The following TFEC variants were observed in gnomAD, a reference collection of about 807,000 sequenced individuals.
The protein encoded by TFEC is class E basic helix-loop-helix protein 34.
TFEC carries 31 observed loss-of-function variants against 41.6 expected under a neutral mutation model. The observed-to-expected ratio is 0.74, with a 90% CI of 0.56 to 1.01. The LOEUF is 1.01. Ranked by LOEUF, TFEC falls within the 50% of genes least tolerant of loss-of-function variation. The probability of loss-of-function intolerance (pLI) is 0.00; values close to 1 mark genes in which losing one functional copy is unlikely to be tolerated. For missense variants in TFEC, 402 were observed against 404.1 expected, an observed-to-expected ratio of 0.99 and a Z score of 0.04; for synonymous variants, 143 against 140.6, an observed-to-expected ratio of 1.02 and a Z score of -0.12.
intron 3 of TFEC, among the ~76,000 whole-genome samples, chr7:116,107,483 G>A (rs1211088129): frequency 6.6e-6 from 1 of 152,130 alleles, no homozygotes; most frequent in Non-Finnish European, 1.5e-5. Flanking sequence ...AGCCTGGAGG[G>A]ACTGAAGCCT....
chr7:116,023,951 T>A (rs1795492612), intron 1 of TFEC, among the ~76,000 whole-genome samples: 1 of 152,132 alleles, frequency 6.6e-6, no homozygotes, highest in African/African-American at 2.4e-5. Context: ...AAGCAATTAA[T>A]TCCCTTTTTT....
chr7:116,148,448 C>G (rs1447928006), intron 1 of TFEC, among the ~76,000 whole-genome samples: 1 of 152,020 alleles, frequency 6.6e-6, no homozygotes, highest in Non-Finnish European at 1.5e-5. Context: ...ACGAACAGAG[C>G]AATGGAGTGG....
At chr7:115,998,424 C>T (rs1214260883) in intron 1 of TFEC, among the ~76,000 whole-genome samples, 1 of 151,496 alleles carries the variant, frequency 6.6e-6, no homozygotes, top group Non-Finnish European at 1.5e-5. Flanking sequence ...GAAGAGAAGA[C>T]CACATAACAA....
intron 3 of TFEC, among the ~76,000 whole-genome samples, chr7:116,081,549 A>T (rs1320528729): frequency 6.6e-6 from 1 of 152,024 alleles, no homozygotes; most frequent in Non-Finnish European, 1.5e-5. Flanking sequence ...AAGTTACAGC[A>T]GCTTTCCAGC....
intron 1 of TFEC, among the ~76,000 whole-genome samples, chr7:115,992,429 G>C (rs929451956): frequency 6.6e-6 from 1 of 152,022 alleles, no homozygotes; most frequent in Non-Finnish European, 1.5e-5. Context: ...CTGGTGTTTC[G>C]AAAAGATCAA....
chr7:116,013,768 T>G (rs1795091379), intron 1 of TFEC, among the ~76,000 whole-genome samples: 2 of 152,142 alleles, frequency 1.3e-5, no homozygotes, highest in South Asian at 4.1e-4. Context: ...CAAACAAATA[T>G]GAATCAACTG....
intron 1 of TFEC, among the ~76,000 whole-genome samples, chr7:116,114,867 C>T (rs1185060633): frequency 6.6e-6 from 1 of 151,954 alleles, no homozygotes; most frequent in Non-Finnish European, 1.5e-5. Flanking sequence ...AAACATCTCA[C>T]TCTCAAAGAA....
intron 1 of TFEC, among the ~76,000 whole-genome samples, chr7:116,148,057 A>C (rs1798680013): frequency 6.6e-6 from 1 of 152,208 alleles, no homozygotes; most frequent in Non-Finnish European, 1.5e-5. Flanking sequence ...CTATTGGAAG[A>C]GGATTCATAA....
intron 3 of TFEC, among the ~76,000 whole-genome samples, chr7:116,080,023 G>A (rs369847456): frequency 6.6e-6 from 1 of 151,948 alleles, no homozygotes; most frequent in Non-Finnish European, 1.5e-5. Context: ...TGGAAATAAA[G>A]CCAAATACTT....
chr7:116,037,475 C>A (rs1795937433), intron 3 of TFEC, among the ~76,000 whole-genome samples: 1 of 151,792 alleles, frequency 6.6e-6, no homozygotes. Context: ...CAGAATTGTA[C>A]CTTTAGAGTT....
chr7:116,153,177 T>C (rs779883945), intron 1 of TFEC, among the ~76,000 whole-genome samples: 10 of 152,238 alleles, frequency 6.6e-5, no homozygotes, highest in Non-Finnish European at 1.0e-4. Flanking sequence ...GCTGGACAAA[T>C]AGCAATGACA....
intron 1 of TFEC, among the ~76,000 whole-genome samples, chr7:116,001,144 A>G (rs1794578575): frequency 6.6e-6 from 1 of 152,212 alleles, no homozygotes; most frequent in Middle Eastern, 3.2e-3. Flanking sequence ...AAACAAATCC[A>G]TAAATGTAAA....
intron 1 of TFEC, among the ~76,000 whole-genome samples, chr7:116,145,931 T>C (rs532899061): frequency 1.3e-5 from 2 of 152,340 alleles, no homozygotes; most frequent in South Asian, 2.1e-4. Flanking sequence ...ATTTCCTTTA[T>C]ATTTTTGAAC....
At chr7:116,008,930 T>C (rs1794902173) in intron 1 of TFEC, among the ~76,000 whole-genome samples, 1 of 152,198 alleles carries the variant, frequency 6.6e-6, no homozygotes, top group African/African-American at 2.4e-5. Context: ...GTCCCAATCA[T>C]TTGAATTTGG....
chr7:116,112,646 C>A (rs558458640), intron 1 of TFEC, among the ~76,000 whole-genome samples: 1 of 151,916 alleles, frequency 6.6e-6, no homozygotes, highest in South Asian at 2.1e-4. Flanking sequence ...TTTTCTATGA[C>A]AAACTGTAGC....
intron 6 of TFEC, among the ~76,000 whole-genome samples, chr7:115,949,301 T>C (rs1369007888): frequency 6.6e-6 from 1 of 151,862 alleles, no homozygotes; most frequent in Non-Finnish European, 1.5e-5. Flanking sequence ...TTCAATGCCA[T>C]CCCCATCAAG....
At chr7:116,050,769 C>T (rs1476500066) in intron 3 of TFEC, among the ~76,000 whole-genome samples, 2 of 152,208 alleles carry the variant, frequency 1.3e-5, no homozygotes, top group African/African-American at 4.8e-5. Context: ...ACTAGAAATA[C>T]CATTTGACCC....
intron 3 of TFEC, among the ~76,000 whole-genome samples, chr7:116,066,508 C>A (rs564663914): frequency 6.6e-6 from 1 of 151,696 alleles, no homozygotes; most frequent in African/African-American, 2.4e-5. Flanking sequence ...TGAGATAAAT[C>A]TGAAAAGCAG....
intron 1 of TFEC, among the ~76,000 whole-genome samples, chr7:116,154,879 T>C (rs1447453992): frequency 6.6e-6 from 1 of 152,188 alleles, no homozygotes. Context: ...CTTTGTTTTG[T>C]GGTGGTATCT....
Sources: allele counts gnomAD v4.1 joint callset (sites outside exome capture counted in the v4.1 genomes callset), GRCh38; gene constraint gnomAD v4.1.1; transcripts MANE v1.5; gene names NCBI Gene and HGNC (gene_info 2026-07-23, HGNC 2026-07-21).